Variants in TSPAN11 observed in about 807,000 individuals in gnomAD.
TSPAN11 encodes the protein tetraspanin-11.
In TSPAN11, 29 loss-of-function variants were observed where a neutral mutation model predicts 32.9. The observed-to-expected ratio is 0.88, with a 90% CI of 0.66 to 1.20. The LOEUF (loss-of-function observed/expected upper bound fraction) is 1.20, where lower values mean the gene tolerates loss of function less well. Ranked by LOEUF, TSPAN11 falls within the 50% of genes most tolerant of loss-of-function variation. TSPAN11 has a pLI of 0.00. For synonymous variants in TSPAN11, 140 were observed against 141.3 expected (o/e 0.99, Z 0.07); for missense variants, 283 against 329.1 (o/e 0.86, Z 1.08).
chr12:30,991,733 G>T, intron 7 of TSPAN11, 123 bp from the exon 8 acceptor site: 1 of 989,698 alleles, frequency 1.0e-6, no homozygotes, highest in Non-Finnish European at 1.6e-6. Flanking sequence ...TTTTGAGCAG[G>T]AATCTGCCCT....
chr12:30,988,600 C>CAAA, intron 7 of TSPAN11: 1 of 149,084 alleles, frequency 6.7e-6, no homozygotes, highest in Non-Finnish European at 1.5e-5. Flanking sequence ...AAAAACAAAA[C>CAAA]AAAAAAAAAA....
intron 2 of TSPAN11, among the ~76,000 whole-genome samples, chr12:30,955,675 G>T (rs971631523): frequency 6.6e-6 from 1 of 152,008 alleles, no homozygotes; most frequent in Non-Finnish European, 1.5e-5. Context: ...ATCTTTCCTC[G>T]CCTCACCCCA....
At chr12:30,933,234 G>A (rs1377082895) in intron 1 of TSPAN11, among the ~76,000 whole-genome samples, 2 of 151,338 alleles carry the variant, frequency 1.3e-5, no homozygotes, top group Admixed American at 6.6e-5. Flanking sequence ...TAATTTAACT[G>A]GGCAGAGGAG....
chr12:30,963,846 G>C lies in TSPAN11; in HGVS notation c.105G>C (p.Leu35=). 2 of 1,609,958 alleles carry C rather than the reference G, an allele frequency of 1.2e-6. No individual in the cohort carries two copies. Residue 35 remains leucine, a synonymous_variant, in exon 3 of 8, where the codon CTG becomes CTC. Transcript: ENST00000546076. ...TGCAGGTCGGGGGAGCAGCCGTCCT[G>C]GCTGTGGGCATCTGGACCCTGGTGG... ...FFFWVGGAAV[L]AVGIWTLVEK...
intron 3 of TSPAN11, among the ~76,000 whole-genome samples, chr12:30,973,402 C>T (rs1037152065): frequency 2.0e-5 from 3 of 152,186 alleles, no homozygotes; most frequent in Admixed American, 1.3e-4. Flanking sequence ...CATGTGGGTA[C>T]CATGTGCTAG....
intron 1 of TSPAN11, among the ~76,000 whole-genome samples, chr12:30,937,924 A>T (rs891200130): frequency 2.0e-5 from 3 of 152,220 alleles, no homozygotes; most frequent in Non-Finnish European, 2.9e-5. Flanking sequence ...GAAAGACTGG[A>T]AAGGGAAAGA....
intron 7 of TSPAN11, among the ~76,000 whole-genome samples, chr12:30,987,522 G>C (rs1044607721): frequency 6.6e-6 from 1 of 152,066 alleles, no homozygotes; most frequent in Admixed American, 6.5e-5. Flanking sequence ...CGGGAGAAAC[G>C]CTTGAACCCA....
At chr12:30,945,488 T>C (rs1026250685) in intron 1 of TSPAN11, among the ~76,000 whole-genome samples, 1 of 151,984 alleles carries the variant, frequency 6.6e-6, no homozygotes, top group African/African-American at 2.4e-5. Context: ...ACTCCCCAAC[T>C]CTCTGCCACC....
At chr12:30,974,960 A>G (rs1938932477) in intron 3 of TSPAN11, among the ~76,000 whole-genome samples, 1 of 152,220 alleles carries the variant, frequency 6.6e-6, no homozygotes, top group Non-Finnish European at 1.5e-5. Flanking sequence ...CTGCCCAAGG[A>G]TAGCCTGGTG....
At chr12:30,942,810 T>A (rs1249084229) in intron 1 of TSPAN11, among the ~76,000 whole-genome samples, 11 of 152,050 alleles carry the variant, frequency 7.2e-5, no homozygotes. Flanking sequence ...GAATTCTTAG[T>A]GCTAGGGTTT....
chr12:30,989,029 C>T (rs1592498977), intron 7 of TSPAN11, among the ~76,000 whole-genome samples: 1 of 152,240 alleles, frequency 6.6e-6, no homozygotes, highest in Non-Finnish European at 1.5e-5. Context: ...TGGGAGCCTC[C>T]GCCCAGGGGG....
Position 30,944,664 on chromosome 12 carries a change from A to G in TSPAN11, c.-11-9317A>G, listed in dbSNP as rs532590690. Reference sequence around the variant, plus strand: ...AGATGAATGGATAAAGAGAATGTGTATATATACACAATGGAAGACTGTTTG... The same window carrying G: ...AGATGAATGGATAAAGAGAATGTGTGTATATACACAATGGAAGACTGTTTG... On this transcript the variant is annotated intron_variant, in intron 1 of 7. Coordinates refer to ENST00000546076, the MANE Select transcript of TSPAN11 (RefSeq NM_001370302.1). Among the ~76,000 whole-genome samples, 4 of 152,386 alleles carry G rather than the reference A, an allele frequency of 2.6e-5. No individual in the cohort carries two copies. The South Asian group carries it at 6.2e-4, about 24-fold the overall frequency.
chr12:30,938,703 A>G (rs569206468), intron 1 of TSPAN11, among the ~76,000 whole-genome samples: 130 of 152,092 alleles, frequency 8.5e-4, no homozygotes, highest in Non-Finnish European at 1.6e-3. Flanking sequence ...TCCTGAGCTC[A>G]CCCTGAATGG....
rs867382967 is a variant in TSPAN11, at chr12:30,957,841, T to C, written c.84+3766T>C. 1.1e-3 allele frequency among the ~76,000 whole-genome samples: 26 copies of C among 24,366 alleles called. No individual in the cohort carries two copies. The East Asian group carries it at 0.014, about 14-fold the overall frequency. The allele number at this position is 24,366 out of a possible 152,430, so 16.0% of individuals were successfully genotyped here. A position where few individuals can be genotyped will look rare whatever the true frequency, so the allele number is the denominator to read the frequency against. On this transcript the variant is annotated intron_variant, in intron 2 of 7. Transcript: ENST00000546076. ...CCTCCTTCCCTCCCTCCCTCCCTCC[T>C]TCCTTCCTTCCTTCCTTCCTTCCCT...
intron 1 of TSPAN11, among the ~76,000 whole-genome samples, chr12:30,945,028 C>T (rs1013270778): frequency 1.3e-5 from 2 of 152,220 alleles, no homozygotes; most frequent in Admixed American, 1.3e-4. Flanking sequence ...CTTCCCAGTG[C>T]TTCCTGTTGC....
Position 30,963,371 on chromosome 12 carries a change from A to T in TSPAN11, c.85-455A>T, listed in dbSNP as rs77138703. The stretch of plus-strand genomic sequence containing the variant: ...GCTTCCCCAATGGGCAAACATAAGG[A>T]TTAAACAAGGGGCGGTGCTCGAACG... On this transcript the variant is annotated intron_variant, in intron 2 of 7. Coordinates refer to ENST00000546076, the MANE Select transcript of TSPAN11 (RefSeq NM_001370302.1). Among the ~76,000 whole-genome samples, 4,853 of 152,312 alleles carry T rather than the reference A, an allele frequency of 0.032. 436 individuals carry two copies. In the East Asian group the frequency reaches 0.33, roughly 10 times the overall value.
At chr12:31,012,807 A>G in the TSPAN11 span, 1 of 152,148 alleles carries the variant, frequency 6.6e-6, no homozygotes, top group African/African-American at 2.4e-5. Context: ...CCTTCTTTGT[A>G]TTTATACTGA....
intron 1 of TSPAN11, among the ~76,000 whole-genome samples, chr12:30,933,770 T>A (rs1422236578): frequency 6.6e-6 from 1 of 152,194 alleles, no homozygotes; most frequent in African/African-American, 2.4e-5. Flanking sequence ...GCAGTGTTGT[T>A]GAGGCCCCTA....
intron 1 of TSPAN11, among the ~76,000 whole-genome samples, chr12:30,942,695 A>G (rs938291205): frequency 6.6e-6 from 1 of 150,580 alleles, no homozygotes; most frequent in African/African-American, 2.5e-5. Context: ...TGACTAAGAC[A>G]TGGAATGCAA....
Sources: gnomAD v4.1 joint callset for allele counts (sites outside exome capture counted in the v4.1 genomes callset) on GRCh38, gnomAD v4.1.1 for gene constraint, MANE v1.5 for transcripts, NCBI Gene and HGNC (gene_info 2026-07-23, HGNC 2026-07-21) for gene names.